Variants in NAA16 observed in about 807,000 individuals in gnomAD.
NAA16 encodes the protein NARG1-like protein.
In NAA16, 97 loss-of-function variants were observed where a neutral mutation model predicts 110.3. The observed-to-expected ratio is 0.88, with a 90% CI of 0.75 to 1.04. The LOEUF (loss-of-function observed/expected upper bound fraction) is 1.04. NAA16 is among the 50% of genes least tolerant of loss of function. The pLI is 0.00. For synonymous variants in NAA16, 372 were observed against 330.6 expected (o/e 1.13, Z -1.36); for missense variants, 1,017 against 1,005.1 (o/e 1.01, Z -0.16).
chr13:41,340,654 T>G (rs1335673822), intron 9 of NAA16, among the ~76,000 whole-genome samples: 4 of 2,508 alleles, frequency 1.6e-3, no homozygotes, highest in South Asian at 0.016. Context: ...TGAGTTTTTT[T>G]TTTTTTTTTT....
intron 1 of NAA16, 135 bp downstream of exon 1, chr13:41,311,717 C>T (rs1369342704): frequency 1.7e-5 from 13 of 772,204 alleles, no homozygotes; most frequent in Non-Finnish European, 2.3e-5. Context: ...CCTCGGAGGT[C>T]GCGGGACCCC....
At chr13:41,367,736 T>A in intron 14 of NAA16, 84 bp downstream of exon 14, 2 of 874,756 alleles carry the variant, frequency 2.3e-6, no homozygotes, top group Non-Finnish European at 3.4e-6. Context: ...AGAAAAATAT[T>A]AATATATTGT....
At chr13:41,361,303 AC>A (rs2043108021) in intron 12 of NAA16, among the ~76,000 whole-genome samples, 1 of 152,246 alleles carries the variant, frequency 6.6e-6, no homozygotes, top group Non-Finnish European at 1.5e-5. Context: ...ATAGAAGCAG[AC>A]ACATGGGCAC....
chr13:41,371,750 G>C (rs2043323287), intron 15 of NAA16, among the ~76,000 whole-genome samples: 1 of 152,170 alleles, frequency 6.6e-6, no homozygotes, highest in African/African-American at 2.4e-5. Context: ...GTTACACATA[G>C]ATTTTCAACT....
At chr13:41,337,027 A>G (rs543948070) in intron 9 of NAA16, among the ~76,000 whole-genome samples, 216 of 152,278 alleles carry the variant, frequency 1.4e-3, no homozygotes, top group African/African-American at 5.1e-3. Context: ...TACCAAAGGT[A>G]TATATTTATT....
intron 8 of NAA16, among the ~76,000 whole-genome samples, chr13:41,331,803 C>T (rs899493070): frequency 1.3e-5 from 2 of 152,020 alleles, no homozygotes; most frequent in African/African-American, 2.4e-5. Context: ...TTGAAATGTT[C>T]GCAGCACATA....
At chr13:41,338,860 C>T (rs997409849) in intron 9 of NAA16, among the ~76,000 whole-genome samples, 14 of 152,242 alleles carry the variant, frequency 9.2e-5, no homozygotes, top group Admixed American at 4.6e-4. Context: ...GTACACCCAT[C>T]GCCTGAGCAG....
At chr13:41,372,110 A>C in intron 15 of NAA16, 93 bp from the exon 16 acceptor site, 1 of 1,036,760 alleles carries the variant, frequency 9.6e-7, no homozygotes, top group Non-Finnish European at 1.3e-6. Context: ...AAGCTGTCTA[A>C]ATTACTTTAG....
chr13:41,316,968 A>T (rs759009590), intron 2 of NAA16, 38 bp downstream of exon 2: 1 of 1,408,148 alleles, frequency 7.1e-7, no homozygotes, highest in Admixed American at 1.7e-5. Context: ...AGGGAAATCA[A>T]ATTCTAAAAC....
rs1386394297 is a variant in NAA16 at position 41,311,308 on chromosome 13, C to T, written c.-221C>T. On this transcript the variant is annotated 5_prime_UTR_variant, in exon 1 of 20. Coordinates refer to ENST00000379406, the MANE Select transcript of NAA16 (RefSeq NM_024561.5). ...GCCGCCGCCGCCGCTGGCCAAAAAG[C>T]GGAGCCCAGGGGAAGCGTGTCCTGC... is the stretch of plus-strand genomic sequence containing the variant. 3.7e-6 allele frequency: 2 copies of T among 546,542 alleles called. No individual in the cohort carries two copies. Among genetic ancestry groups the T allele is most frequent in the African/African-American group, 2.0e-5 (1 of 49,810 alleles). The allele number at this position is 546,542 out of a possible 1,614,324, so 33.9% of individuals were successfully genotyped here. A position where few individuals can be genotyped will look rare whatever the true frequency, so the allele number is the denominator to read the frequency against.
intron 8 of NAA16, among the ~76,000 whole-genome samples, chr13:41,333,030 G>T (rs1341276799): frequency 6.6e-6 from 1 of 152,064 alleles, no homozygotes; most frequent in African/African-American, 2.4e-5. Context: ...GGTGGGGAGG[G>T]TGTTAGTGTG....
At chr13:41,363,786 T>G (rs2043158377) in intron 13 of NAA16, among the ~76,000 whole-genome samples, 1 of 152,106 alleles carries the variant, frequency 6.6e-6, no homozygotes, top group Non-Finnish European at 1.5e-5. Flanking sequence ...CGCTAGAAAC[T>G]TTAGGGTTTA....
intron 9 of NAA16, among the ~76,000 whole-genome samples, chr13:41,353,393 GTC>G (rs1213910909): frequency 2.0e-5 from 3 of 152,086 alleles, no homozygotes; most frequent in East Asian, 3.9e-4. Flanking sequence ...TTAAAAAAAA[GTC>G]TTTGCAATTT....
rs563328537 is a variant in NAA16 at position 41,325,740 on chromosome 13, T to G, written c.580T>G (p.Leu194Val). 2.1e-5 allele frequency: 34 copies of G among 1,600,690 alleles called. No individual in the cohort carries two copies. The highest frequency in any genetic ancestry group is 2.9e-5 in the Non-Finnish European group (34 of 1,169,848). The change falls in exon 6 of 20, where the codon TTA becomes GTA. Residue 194 changes from leucine to valine, a missense_variant. Transcript: ENST00000379406. ...AGATTATGAATATAGTGAATTGATA[T>G]TATACCAGAATCAAGTGATGAGAGA... ...KIDYEYSELI[L>V]YQNQVMREAD...
chr13:41,336,014 TAGCAATGAAAGAA>T (rs1681669195), intron 8 of NAA16, among the ~76,000 whole-genome samples: 1 of 152,182 alleles, frequency 6.6e-6, no homozygotes, highest in Non-Finnish European at 1.5e-5. Context: ...TTCTGGGGTT[TAGCAATGAAAGAA>T]TTATTGACTT....
intron 10 of NAA16, among the ~76,000 whole-genome samples, chr13:41,357,778 A>G (rs568079490): frequency 6.6e-6 from 1 of 152,188 alleles, no homozygotes; most frequent in South Asian, 2.1e-4. Context: ...TGTTTTTTCT[A>G]CTTAGGTTTT....
intron 13 of NAA16, among the ~76,000 whole-genome samples, chr13:41,364,573 C>T (rs1303756644): frequency 6.6e-6 from 1 of 151,946 alleles, no homozygotes; most frequent in Non-Finnish European, 1.5e-5. Context: ...ATTGAGTTTT[C>T]TTTCTTTCCA....
rs986047236 is a variant in NAA16 at position 41,331,829 on chromosome 13, C to T, written c.907+460C>T. On this transcript the variant is annotated intron_variant, in intron 8 of 19. Coordinates refer to ENST00000379406, the MANE Select transcript of NAA16 (RefSeq NM_024561.5). ...GCAGCACATAGAAATGATAAGTAAT[C>T]GAGGCGATAGGTACCCTAAATACCC... Among the ~76,000 whole-genome samples the T allele has an allele frequency of 1.7e-4, 26 of 152,142 alleles. No homozygotes were observed. The Middle Eastern group carries it at 0.01, about 60-fold the overall frequency.
At chr13:41,327,742 A>C in intron 6 of NAA16, 1 of 151,272 alleles carries the variant, frequency 6.6e-6, no homozygotes, top group East Asian at 1.9e-4. Context: ...GCATGTTTAA[A>C]GTTTTAAGTA....
Sources: gnomAD v4.1 joint callset for allele counts (sites outside exome capture counted in the v4.1 genomes callset) on GRCh38, gnomAD v4.1.1 for gene constraint, MANE v1.5 for transcripts, NCBI Gene and HGNC (gene_info 2026-07-23, HGNC 2026-07-21) for gene names.